Variants in MNS1 observed in about 807,000 individuals in gnomAD.
The protein encoded by MNS1 is meiosis-specific nuclear structural protein 1.
MNS1 carries 63 observed loss-of-function variants against 72.0 expected under a neutral mutation model. The ratio of observed to expected loss-of-function variants is 0.87; its 90% CI spans 0.71 to 1.08. The LOEUF is 1.08. Among genes scored for constraint, MNS1 ranks in the 50% least tolerant of loss-of-function variants. The pLI, the probability that MNS1 is intolerant of heterozygous loss-of-function variation, is 0.00. For synonymous variants in MNS1, 188 were observed against 172.1 expected (o/e 1.09, Z -0.72); for missense variants, 604 against 562.4 (o/e 1.07, Z -0.75).
chr15:56,447,419 C>T (rs969528544), intron 3 of MNS1: 2 of 152,498 alleles, frequency 1.3e-5, no homozygotes, highest in Non-Finnish European at 2.9e-5. Context: ...ACTGAGTCTT[C>T]AATAAACATA....
intron 9 of MNS1, among the ~76,000 whole-genome samples, chr15:56,430,577 A>AAAATC (rs1356686049): frequency 6.7e-6 from 1 of 148,418 alleles, no homozygotes; most frequent in Non-Finnish European, 1.5e-5. Flanking sequence ...TGGAATTTTA[A>AAAATC]AAATCAAGTT....
intron 7 of MNS1, among the ~76,000 whole-genome samples, chr15:56,435,264 C>G (rs2050701753): frequency 6.6e-6 from 1 of 151,656 alleles, no homozygotes; most frequent in South Asian, 2.1e-4. Context: ...ACTTCAAGAA[C>G]CTATAAAAAG....
Position 56,446,865 on chromosome 15 carries a change from CT to C in MNS1, c.431del (p.Lys144ArgfsTer9), listed in dbSNP as rs1346404372. On this transcript the variant is annotated frameshift_variant, in exon 4 of 10. Coordinates refer to ENST00000260453, the MANE Select transcript of MNS1 (RefSeq NM_018365.4). LOFTEE classifies it high-confidence loss of function. ...NKERAAQIAE[K>X]DAIKYEQMKR... The stretch of plus-strand genomic sequence containing the variant: ...CCATTTGTTCATATTTAATGGCATC[CT>C]TTTCAGCAATCTGAGCTGCCCTTTC... 3.1e-6 allele frequency: 5 copies of C among 1,609,410 alleles called. No homozygotes were observed. The highest frequency in any genetic ancestry group is 2.5e-6 in the Non-Finnish European group (3 of 1,178,090).
intron 7 of MNS1, among the ~76,000 whole-genome samples, chr15:56,442,853 G>A (rs1182692016): frequency 6.6e-6 from 1 of 151,370 alleles, no homozygotes; most frequent in Non-Finnish European, 1.5e-5. Context: ...ATTTACCCCT[G>A]TAACAAACCA....
At chr15:56,453,623 AATAC>A (rs1209052768) in intron 3 of MNS1, among the ~76,000 whole-genome samples, 36 of 152,300 alleles carry the variant, frequency 2.4e-4, no homozygotes, top group African/African-American at 8.2e-4. Flanking sequence ...CTGTGTAATA[AATAC>A]ATTTAGTTAA....
intron 4 of MNS1, chr15:56,445,888 G>C (rs2050897672): frequency 6.6e-6 from 1 of 152,028 alleles, no homozygotes; most frequent in Non-Finnish European, 1.5e-5. Context: ...ACAGGACATT[G>C]TTTGTGCTAC....
chr15:56,444,800 G>T, intron 4 of MNS1, 127 bp from the exon 5 acceptor site: 1 of 839,110 alleles, frequency 1.2e-6, no homozygotes, highest in Non-Finnish European at 1.8e-6. Context: ...ATCTGTCTAG[G>T]TTAAAAAGCA....
rs1238240658 is a variant in MNS1, at chr15:56,444,525, T to G, written c.605A>C (p.Lys202Thr). The change falls in exon 5 of 10, where the codon AAG becomes ACG. Residue 202 changes from lysine (K) to threonine (T), a missense_variant. Physicochemically the swap from Lys to Thr is moderately conservative, Grantham distance 78. Coordinates refer to ENST00000260453, the MANE Select transcript of MNS1 (RefSeq NM_018365.4). ...TAGCAGCTGCTCATAAGCTTCCTGCTTTTTTTTTTCTTGTTCTTCAAGTTG... is the reference window on the plus strand; with the variant it reads ...TAGCAGCTGCTCATAAGCTTCCTGCGTTTTTTTTTCTTGTTCTTCAAGTTG... Reference protein sequence around the residue: ...EKQLEEQEKKKQEAYEQLLKE... With the variant: ...EKQLEEQEKKTQEAYEQLLKE... The G allele has an allele frequency of 3.3e-6, 5 of 1,504,318 alleles. No homozygotes were observed. The highest frequency in any genetic ancestry group is 4.5e-6 in the Non-Finnish European group (5 of 1,100,698). 93.2% of individuals were successfully genotyped at this position (1,504,318 alleles called of 1,614,324 possible). A position where few individuals can be genotyped will look rare whatever the true frequency, so the allele number is the denominator to read the frequency against.
rs1354236000 is a variant in MNS1, at chr15:56,444,560, G to A, written c.570C>T (p.Asp190=). The part of the protein sequence containing the change: ...RNKAKAQYYL[D]LEKQLEEQEK... ...CTTGTTCTTCAAGTTGTTTCTCTAA[G>A]TCAAGATAGTACTGTGCTTTCGCTT... The change falls in exon 5 of 10, where the codon GAC becomes GAT. Residue 190 remains aspartate (D), a synonymous_variant. Coordinates refer to ENST00000260453, the MANE Select transcript of MNS1 (RefSeq NM_018365.4). The A allele has an allele frequency of 1.2e-6, 2 of 1,612,250 alleles. No individual in the cohort carries two copies. Among genetic ancestry groups the A allele is most frequent in the South Asian group, 1.1e-5 (1 of 90,986 alleles).
At chr15:56,455,579 A>G (rs985726116) in intron 3 of MNS1, among the ~76,000 whole-genome samples, 3 of 152,204 alleles carry the variant, frequency 2.0e-5, no homozygotes, top group South Asian at 4.1e-4. Flanking sequence ...ATTCAATTAC[A>G]TAAGTATATG....
At chr15:56,436,590 A>G (rs907386470) in intron 7 of MNS1, among the ~76,000 whole-genome samples, 5 of 152,178 alleles carry the variant, frequency 3.3e-5, no homozygotes, top group South Asian at 2.1e-4. Flanking sequence ...AGCAGAAGGC[A>G]AGAAATAACT....
intron 7 of MNS1, among the ~76,000 whole-genome samples, chr15:56,440,455 C>A (rs1196454180): frequency 6.6e-6 from 1 of 152,152 alleles, no homozygotes; most frequent in African/African-American, 2.4e-5. Context: ...CCAGCTAATA[C>A]AATCTTGAGC....
At chr15:56,460,507 A>G (rs118110994) in intron 2 of MNS1, among the ~76,000 whole-genome samples, 1,935 of 152,316 alleles carry the variant, frequency 0.013, 18 homozygotes, top group Non-Finnish European at 0.019. Flanking sequence ...TCTCACAGTT[A>G]ACAGTATTCC....
Position 56,465,083 on chromosome 15 carries a change from T to A in MNS1, c.-111A>T. 6.8e-7 allele frequency: 1 copy of A among 1,465,636 alleles called. No homozygotes were observed. Among genetic ancestry groups the A allele is most frequent in the Non-Finnish European group, 9.3e-7 (1 of 1,078,292 alleles). 90.8% of individuals were successfully genotyped at this position (1,465,636 alleles called of 1,614,324 possible). On this transcript the variant is annotated 5_prime_UTR_variant, in exon 1 of 10. Coordinates refer to ENST00000260453, the MANE Select transcript of MNS1 (RefSeq NM_018365.4). ...GCACCTGGCTGCGCGCGCTCGGGTG[T>A]TTACGCGGCGTCTTGGCAACGGTGG...
intron 7 of MNS1, among the ~76,000 whole-genome samples, chr15:56,435,327 G>C (rs2050703597): frequency 6.6e-6 from 1 of 151,476 alleles, no homozygotes; most frequent in South Asian, 2.1e-4. Flanking sequence ...TAAAACTGTA[G>C]AAATCAATGG....
intron 7 of MNS1, among the ~76,000 whole-genome samples, chr15:56,441,635 G>A (rs2050815748): frequency 6.6e-6 from 1 of 152,044 alleles, no homozygotes; most frequent in South Asian, 2.1e-4. Flanking sequence ...CTACAGAATG[G>A]GAGAAAATAT....
chr15:56,444,411 T>C (rs2050871677), intron 5 of MNS1, 33 bp downstream of exon 5: 1 of 1,563,092 alleles, frequency 6.4e-7, no homozygotes, highest in African/African-American at 1.4e-5. Flanking sequence ...AAAGTAAACA[T>C]TTAGACATGT....
At chr15:56,446,556 T>C (rs930425548) in intron 4 of MNS1, among the ~76,000 whole-genome samples, 1 of 151,952 alleles carries the variant, frequency 6.6e-6, no homozygotes, top group East Asian at 1.9e-4. Flanking sequence ...TAACAATTTG[T>C]ACTGTACTAC....
Position 56,429,066 on chromosome 15 carries a change from G to C in MNS1, c.*35C>G, listed in dbSNP as rs795787. 4 of 1,388,564 alleles carry C rather than the reference G, an allele frequency of 2.9e-6. No individual in the cohort carries two copies. In the South Asian group the frequency reaches 5.1e-5, roughly 18 times the overall value. 86.0% of individuals were successfully genotyped at this position (1,388,564 alleles called of 1,614,324 possible). A position where few individuals can be genotyped will look rare whatever the true frequency, so the allele number is the denominator to read the frequency against. ...TTATGCTGACATCTAGTGGTAACATGCAAAAAATCTATGCTTTACCCAATT... is the reference window on the plus strand; with the variant it reads ...TTATGCTGACATCTAGTGGTAACATCCAAAAAATCTATGCTTTACCCAATT... On this transcript the variant is annotated 3_prime_UTR_variant, in exon 10 of 10. Transcript: ENST00000260453.
Sources: allele counts gnomAD v4.1 joint callset (sites outside exome capture counted in the v4.1 genomes callset), GRCh38; gene constraint gnomAD v4.1.1; transcripts MANE v1.5; gene names NCBI Gene and HGNC (gene_info 2026-07-23, HGNC 2026-07-21).